Variants in FZR1 observed in about 807,000 individuals in gnomAD.
The protein encoded by FZR1 is fizzy-related protein homolog.
Under a neutral mutation model 63.6 loss-of-function variants are expected in FZR1, and 11 were observed. That is an observed-to-expected ratio of 0.17 (90% CI 0.11 to 0.29). The LOEUF is 0.29. Ranked by LOEUF, FZR1 falls within the 10% of genes least tolerant of loss-of-function variation. FZR1 has a pLI of 1.00. For missense variants in FZR1, 440 were observed against 687.5 expected (o/e 0.64, Z 4.03); for synonymous variants, 328 against 297.9 (o/e 1.10, Z -1.04).
rs566622733 is a variant in FZR1, at chr19:3,530,163, G to A, written c.655-629G>A. On this transcript the variant is annotated intron_variant, in intron 7 of 13. Coordinates refer to ENST00000441788, the MANE Select transcript of FZR1 (RefSeq NM_016263.4). ...GCATGGGTGAGCAGATGCAAGAGTG[G>A]ATGAGAGTGGTTGAGGGAGTGGATG... Among the ~76,000 whole-genome samples the A allele has an allele frequency of 2.6e-4, 33 of 129,208 alleles. 1 individual carries two copies. Among genetic ancestry groups the A allele is most frequent in the Middle Eastern group, 5.2e-3 (1 of 194 alleles). The allele number at this position is 129,208 out of a possible 152,430, so 84.8% of individuals were successfully genotyped here. A position where few individuals can be genotyped will look rare whatever the true frequency, so the allele number is the denominator to read the frequency against.
rs966292496 is a variant in FZR1, at chr19:3,515,584, C to A, written c.-34-7372C>A. Among the ~76,000 whole-genome samples, 3 of 152,112 alleles carry A rather than the reference C, an allele frequency of 2.0e-5. No homozygotes were observed. The highest frequency in any genetic ancestry group is 2.0e-4 in the Admixed American group (3 of 15,264). ...GAGATCGAAACCATCCTGGCTAATA[C>A]TGTGAAACCCCGTCTCTACTAAAAA... On this transcript the variant is annotated intron_variant, in intron 1 of 13. Transcript: ENST00000441788. The surrounding 1 kb of genome is among the most constrained non-coding windows in gnomAD (Gnocchi z 4.6).
Position 3,527,635 on chromosome 19 carries a change from A to G in FZR1, c.475A>G (p.Lys159Glu). The change falls in exon 7 of 14, where the codon AAG (lysine) becomes GAG (glutamate). Residue 159 changes from lysine (K) to glutamate (E), a missense_variant. By Grantham distance (56) the Lys-to-Glu change is moderately conservative. Coordinates refer to ENST00000441788, the MANE Select transcript of FZR1 (RefSeq NM_016263.4). ...SLSPVSNKSQ[K>E]LLRSPRKPTR... is the part of the protein sequence containing the mutation. ...GCCACGTGGCCGCCTCTGCAGCCAG[A>G]AGCTGCTCCGGTCCCCCCGGAAACC... 1 of 1,605,750 alleles carries G rather than the reference A, an allele frequency of 6.2e-7. No individual in the cohort carries two copies. The highest frequency in any genetic ancestry group is 8.5e-7 in the Non-Finnish European group (1 of 1,177,270).
intron 1 of FZR1, among the ~76,000 whole-genome samples, chr19:3,509,861 T>G (rs935931609): frequency 7.2e-5 from 11 of 152,106 alleles, no homozygotes; most frequent in Non-Finnish European, 1.3e-4. Context: ...TCAGTGGACG[T>G]TGGTGCTGTT....
chr19:3,531,834 C>T lies in FZR1; in HGVS notation c.823+18C>T, dbSNP rs200515846. The T allele has an allele frequency of 6.5e-6, 10 of 1,550,300 alleles. No individual in the cohort carries two copies. Among genetic ancestry groups the T allele is most frequent in the Non-Finnish European group, 8.7e-6 (10 of 1,146,822 alleles). ...ACGCGTCGGTGAGGAGCCCGGGTCC[C>T]ATGGCTGGTGAGCTCCCTGAGGCCC... is the stretch of plus-strand genomic sequence containing the variant. On this transcript the variant is annotated intron_variant, in intron 9 of 13. Transcript: ENST00000441788.
intron 7 of FZR1, 146 bp from the exon 8 acceptor site, chr19:3,530,646 A>G (rs1298139980): frequency 4.8e-6 from 3 of 629,394 alleles, no homozygotes; most frequent in East Asian, 2.8e-5. Flanking sequence ...GGAAAAGTGG[A>G]TGGGACTGTG....
At position 3,528,959 on chromosome 19, in the gene FZR1, A is replaced by T. The variant is rs551622955; in HGVS notation, c.654+1145A>T. Among the ~76,000 whole-genome samples the T allele has an allele frequency of 1.2e-4, 18 of 148,986 alleles. No individual in the cohort carries two copies. The South Asian group carries it at 3.9e-3, about 32-fold the overall frequency. ...GAGTGGATGGGAGAGCGGATGGGTG[A>T]GTGGATGGGAGAGCAGATGGTTGAG... is the stretch of plus-strand genomic sequence containing the variant. On this transcript the variant is annotated intron_variant, in intron 7 of 13. Transcript: ENST00000441788.
chr19:3,509,934 C>T (rs899412840), intron 1 of FZR1, among the ~76,000 whole-genome samples: 2 of 152,002 alleles, frequency 1.3e-5, no homozygotes, highest in African/African-American at 2.4e-5. Flanking sequence ...GGTTGTGTGG[C>T]GACCGTCCTT....
chr19:3,524,573 C>T (rs1006984312), intron 2 of FZR1, among the ~76,000 whole-genome samples: 1 of 152,218 alleles, frequency 6.6e-6, no homozygotes, highest in African/African-American at 2.4e-5. Context: ...TATGACCCTA[C>T]GCAAGCCTGT....
chr19:3,510,135 C>T (rs930860761), intron 1 of FZR1, among the ~76,000 whole-genome samples: 1 of 152,010 alleles, frequency 6.6e-6, no homozygotes, highest in Non-Finnish European at 1.5e-5. Context: ...TGATTTTTTT[C>T]TTTTTTCTTT....
At chr19:3,532,686 A>G (rs1184882067) in intron 11 of FZR1, 36 bp downstream of exon 11, 1 of 1,423,930 alleles carries the variant, frequency 7.0e-7, no homozygotes, top group African/African-American at 1.4e-5. Flanking sequence ...ACCAGGCCTC[A>G]GGATGTGCGT....
chr19:3,529,561 TGGATGGGAGAGC>T (rs1477740413), intron 7 of FZR1, among the ~76,000 whole-genome samples: 1 of 117,304 alleles, frequency 8.5e-6, no homozygotes, highest in Non-Finnish European at 1.8e-5. Context: ...GCTGGTTGAG[TGGATGGGAGAGC>T]GGATGGGTGA....
chr19:3,507,231 A>G (rs2082990892), intron 1 of FZR1, among the ~76,000 whole-genome samples: 1 of 137,034 alleles, frequency 7.3e-6, no homozygotes, highest in Non-Finnish European at 1.5e-5. Context: ...ATCCGTGCAC[A>G]AGCCCCTCCC....
chr19:3,532,115 G>A lies in FZR1; in HGVS notation c.1008+20G>A, dbSNP rs2083253972. ...AACAAGGTACCCCCGCCCAGAGCCT[G>A]GGCTTCCCCTTCACCAGAAGCCGCA... is the stretch of plus-strand genomic sequence containing the variant. On this transcript the variant is annotated intron_variant, in intron 10 of 13. Transcript: ENST00000441788. 1 of 1,485,500 alleles carries A rather than the reference G, an allele frequency of 6.7e-7. No individual in the cohort carries two copies. The highest frequency in any genetic ancestry group is 1.4e-5 in the African/African-American group (1 of 71,326). 92.0% of individuals were successfully genotyped at this position (1,485,500 alleles called of 1,614,324 possible).
intron 1 of FZR1, among the ~76,000 whole-genome samples, chr19:3,509,314 C>T (rs1452770900): frequency 3.3e-5 from 5 of 152,344 alleles, no homozygotes; most frequent in South Asian, 4.1e-4. Context: ...TGCCTGGCCG[C>T]GCCTCATTCA....
chr19:3,507,670 G>C (rs896723555), intron 1 of FZR1, among the ~76,000 whole-genome samples: 11 of 152,324 alleles, frequency 7.2e-5, no homozygotes, highest in African/African-American at 2.6e-4. Flanking sequence ...ACCAGCATGA[G>C]GGCAGCCTGC....
intron 12 of FZR1, 67 bp from the exon 13 acceptor site, chr19:3,534,354 G>C: frequency 1.2e-6 from 1 of 853,876 alleles, no homozygotes; most frequent in Non-Finnish European, 1.9e-6. Context: ...CTCTCCTTCA[G>C]TCCCCCAGCA....
At chr19:3,512,972 T>C (rs2083034223) in intron 1 of FZR1, among the ~76,000 whole-genome samples, 1 of 152,034 alleles carries the variant, frequency 6.6e-6, no homozygotes. Flanking sequence ...GGGTCTTTCT[T>C]ATCTGGTGCT....
chr19:3,533,938 C>T lies in FZR1; in HGVS notation c.1348-483C>T, dbSNP rs529064426. Among the ~76,000 whole-genome samples the T allele has an allele frequency of 6.6e-6, 1 of 152,328 alleles. No individual in the cohort carries two copies. Among genetic ancestry groups the T allele is most frequent in the East Asian group, 1.9e-4 (1 of 5,186 alleles). ...TGTGTTTTTGCAAAAATGCTCCAAC[C>T]TTGGCTAGGTGCGGTGGCTCACGCC... On this transcript the variant is annotated intron_variant, in intron 12 of 13. Coordinates refer to ENST00000441788, the MANE Select transcript of FZR1 (RefSeq NM_016263.4). This position sits in a 1 kb window ranked among gnomAD's most constrained non-coding sequence, Gnocchi z 4.9.
At chr19:3,517,379 G>T (rs1219157954) in intron 1 of FZR1, among the ~76,000 whole-genome samples, 1 of 147,784 alleles carries the variant, frequency 6.8e-6, no homozygotes, top group Admixed American at 6.8e-5. Flanking sequence ...GACAGAGTGA[G>T]ACCCGGTCTC....
Sources: allele counts gnomAD v4.1 joint callset (sites outside exome capture counted in the v4.1 genomes callset), GRCh38; gene constraint gnomAD v4.1.1; non-coding constraint Gnocchi (gnomAD v3.1); transcripts MANE v1.5; gene names NCBI Gene and HGNC (gene_info 2026-07-23, HGNC 2026-07-21).